MAGI1: variants seen among roughly 807,000 people sequenced by gnomAD.
MAGI1 encodes the protein membrane associated guanylate kinase, WW and PDZ domain containing 1.
MAGI1 carries 58 observed loss-of-function variants against 139.9 expected under a neutral mutation model. That is an observed-to-expected ratio of 0.41 (90% CI 0.34 to 0.52). The LOEUF (loss-of-function observed/expected upper bound fraction) is 0.52, where lower values mean the gene tolerates loss of function less well. Ranked by LOEUF, MAGI1 falls within the 20% of genes least tolerant of loss-of-function variation. The pLI is 0.12. For synonymous variants in MAGI1, 812 were observed against 737.9 expected, an observed-to-expected ratio of 1.10 and a Z score of -1.63; for missense variants, 1,874 against 1,901.6, an observed-to-expected ratio of 0.99 and a Z score of 0.27.
intron 1 of MAGI1, among the ~76,000 whole-genome samples, chr3:65,768,216 T>C (rs2037649372): frequency 6.6e-6 from 1 of 152,090 alleles, no homozygotes; most frequent in Admixed American, 6.6e-5. Context: ...GGTTAGGAGT[T>C]CTAGACCAGC....
At chr3:65,885,486 G>C (rs2060494176) in intron 1 of MAGI1, among the ~76,000 whole-genome samples, 4 of 152,120 alleles carry the variant, frequency 2.6e-5, no homozygotes, top group African/African-American at 9.7e-5. Context: ...CAGAGTGTGT[G>C]ATATGGTTTG....
chr3:65,976,240 A>G (rs2065258250), intron 1 of MAGI1, among the ~76,000 whole-genome samples: 1 of 152,250 alleles, frequency 6.6e-6, no homozygotes, highest in Admixed American at 6.5e-5. Context: ...ACCATCACCA[A>G]TACCTTAAAT....
intron 1 of MAGI1, among the ~76,000 whole-genome samples, chr3:65,802,520 G>C (rs183764886): frequency 1.1e-3 from 160 of 152,206 alleles, no homozygotes; most frequent in Non-Finnish European, 1.0e-3. Context: ...TTACTTCAAG[G>C]CCCTCTAAAA....
intron 1 of MAGI1, among the ~76,000 whole-genome samples, chr3:65,927,136 GGGCTGGTCTGCCTATGGA>G (rs1245749910): frequency 6.6e-6 from 1 of 152,196 alleles, no homozygotes; most frequent in Non-Finnish European, 1.5e-5. Context: ...GCAGCCCTCA[GGGCTGGTCTGCCTATGGA>G]GTAGCCATTC....
intron 1 of MAGI1, among the ~76,000 whole-genome samples, chr3:65,985,169 G>A (rs2065816900): frequency 6.6e-6 from 1 of 152,166 alleles, no homozygotes; most frequent in South Asian, 2.1e-4. Context: ...CCATGTGACT[G>A]GAAACATACT....
chr3:65,700,001 C>G (rs1416636418), intron 1 of MAGI1, among the ~76,000 whole-genome samples: 1 of 152,014 alleles, frequency 6.6e-6, no homozygotes, highest in African/African-American at 2.4e-5. Flanking sequence ...CACAAACCCT[C>G]CAAAGCACAC....
intron 1 of MAGI1, among the ~76,000 whole-genome samples, chr3:65,826,699 C>A (rs1208281600): frequency 2.0e-5 from 3 of 152,174 alleles, no homozygotes; most frequent in Non-Finnish European, 4.4e-5. Flanking sequence ...ATTAAGGGCA[C>A]TGTATTGAGA....
rs181370470 is a variant in MAGI1, at chr3:65,949,346, T to C, written c.313+88650A>G. On this transcript the variant is annotated intron_variant, in intron 1 of 22. Transcript: ENST00000402939. ...TTGCTATTTCTGTTGTTATTACTAC[T>C]AGCTGGCTGGAAATTGCTAAGTTCC... 2.5e-3 allele frequency among the ~76,000 whole-genome samples: 384 copies of C among 152,344 alleles called. 2 individuals carry two copies. The highest frequency in any genetic ancestry group is 3.8e-3 in the Non-Finnish European group (261 of 68,032).
chr3:65,574,342 T>C (rs1334577975), intron 2 of MAGI1, among the ~76,000 whole-genome samples: 33 of 150,652 alleles, frequency 2.2e-4, no homozygotes, highest in Non-Finnish European at 4.9e-4. Context: ...CAATAGATAT[T>C]TTCAGGAACA....
At chr3:65,631,742 G>C (rs1404427954) in intron 1 of MAGI1, among the ~76,000 whole-genome samples, 5 of 152,074 alleles carry the variant, frequency 3.3e-5, no homozygotes. Flanking sequence ...GGCCAGATGC[G>C]GTGGCTCATG....
chr3:65,504,417 CTA>C (rs1224014476), intron 2 of MAGI1, among the ~76,000 whole-genome samples: 3 of 152,138 alleles, frequency 2.0e-5, no homozygotes, highest in Non-Finnish European at 4.4e-5. Context: ...TATTATTATC[CTA>C]TGTCACAGAT....
At chr3:65,779,654 C>T (rs2038771139) in intron 1 of MAGI1, among the ~76,000 whole-genome samples, 1 of 152,220 alleles carries the variant, frequency 6.6e-6, no homozygotes, top group Non-Finnish European at 1.5e-5. Flanking sequence ...TATAAGTCTA[C>T]TTAGATGAAA....
chr3:65,990,098 G>A (rs373842800), intron 1 of MAGI1, among the ~76,000 whole-genome samples: 386 of 152,264 alleles, frequency 2.5e-3, no homozygotes, highest in Non-Finnish European at 3.6e-3. Context: ...ATTATCTTGT[G>A]AGGAAATAAA....
intron 1 of MAGI1, among the ~76,000 whole-genome samples, chr3:65,774,076 G>A (rs549183475): frequency 3.1e-4 from 46 of 148,242 alleles, no homozygotes; most frequent in African/African-American, 1.0e-3. Context: ...ATGGGCATCT[G>A]TTTCCATAGC....
In MAGI1 at chr3:65,626,335, T is replaced by A. The variant is rs575871547; in HGVS notation, c.314-4247A>T. 2.0e-5 allele frequency among the ~76,000 whole-genome samples: 3 copies of A among 152,250 alleles called. No individual in the cohort carries two copies. The East Asian group carries it at 5.8e-4, about 29-fold the overall frequency. On this transcript the variant is annotated intron_variant, in intron 1 of 22. Coordinates refer to ENST00000402939, the MANE Select transcript of MAGI1 (RefSeq NM_001033057.2). ...ATTGGAAACCATTTTACTTTTTTTA[T>A]TTTTTTGGAGACAGAGTCTTACCCT...
intron 1 of MAGI1, among the ~76,000 whole-genome samples, chr3:65,986,981 C>T (rs1239778745): frequency 2.0e-5 from 3 of 151,476 alleles, no homozygotes; most frequent in African/African-American, 4.9e-5. Context: ...AGTGATTTTC[C>T]TGCCTCAGTT....
chr3:65,539,690 C>T (rs2079123054), intron 2 of MAGI1, among the ~76,000 whole-genome samples: 1 of 152,170 alleles, frequency 6.6e-6, no homozygotes, highest in African/African-American at 2.4e-5. Flanking sequence ...GGCACTCTAG[C>T]AGACTGTGGC....
At chr3:65,644,416 C>CAAAAAAAAAA (rs750068803) in intron 1 of MAGI1, among the ~76,000 whole-genome samples, 5 of 102,858 alleles carry the variant, frequency 4.9e-5, no homozygotes, top group African/African-American at 1.7e-4. Context: ...AACCTCAGCC[C>CAAAAAAAAAA]AAAAAAAAAA....
At chr3:65,862,418 GTC>G (rs2059586695) in intron 1 of MAGI1, among the ~76,000 whole-genome samples, 1 of 151,998 alleles carries the variant, frequency 6.6e-6, no homozygotes, top group South Asian at 2.1e-4. Context: ...TTCCCTTTCT[GTC>G]TCTGTGTTTC....
Sources: gnomAD v4.1 joint callset for allele counts (sites outside exome capture counted in the v4.1 genomes callset) on GRCh38, gnomAD v4.1.1 for gene constraint, MANE v1.5 for transcripts, NCBI Gene and HGNC (gene_info 2026-07-23, HGNC 2026-07-21) for gene names.